RABGAP1L: variants seen among roughly 807,000 people sequenced by gnomAD.
The protein encoded by RABGAP1L is RAB GTPase activating protein 1 like.
RABGAP1L carries 63 observed loss-of-function variants against 137.7 expected under a neutral mutation model. The observed-to-expected ratio is 0.46, with a 90% CI of 0.37 to 0.56. The LOEUF is 0.56. Among genes scored for constraint, RABGAP1L ranks in the 20% least tolerant of loss-of-function variants. The pLI is 0.00. For missense variants in RABGAP1L, 1,095 were observed against 1,244.0 expected, an observed-to-expected ratio of 0.88 and a Z score of 1.80; for synonymous variants, 431 against 433.7, an observed-to-expected ratio of 0.99 and a Z score of 0.08.
chr1:174,268,703 C>T (rs947819710), intron 7 of RABGAP1L, among the ~76,000 whole-genome samples: 1 of 151,940 alleles, frequency 6.6e-6, no homozygotes, highest in African/African-American at 2.4e-5. Flanking sequence ...CTCACTTTTT[C>T]CTGCAGTTAA....
intron 13 of RABGAP1L, among the ~76,000 whole-genome samples, chr1:174,626,036 A>C (rs1270898051): frequency 6.6e-6 from 1 of 152,220 alleles, no homozygotes; most frequent in Non-Finnish European, 1.5e-5. Flanking sequence ...AACAGCATGG[A>C]TTTCAGCTAT....
intron 13 of RABGAP1L, among the ~76,000 whole-genome samples, chr1:174,406,270 A>G (rs1649262866): frequency 6.6e-6 from 1 of 152,166 alleles, no homozygotes; most frequent in African/African-American, 2.4e-5. Context: ...TAAAATTTAA[A>G]ATATACTCTA....
chr1:174,213,294 G>A (rs1307594095), intron 1 of RABGAP1L, among the ~76,000 whole-genome samples: 3 of 152,064 alleles, frequency 2.0e-5, no homozygotes, highest in Non-Finnish European at 4.4e-5. Context: ...GCACGGTGGT[G>A]CATGCCTGTA....
At chr1:174,260,448 A>G (rs1320632707) in intron 7 of RABGAP1L, among the ~76,000 whole-genome samples, 1 of 152,220 alleles carries the variant, frequency 6.6e-6, no homozygotes, top group Non-Finnish European at 1.5e-5. Flanking sequence ...GCCAATTTGT[A>G]GAAGAGAAAG....
chr1:174,867,502 C>G (rs771996328), intron 19 of RABGAP1L, among the ~76,000 whole-genome samples: 3 of 152,146 alleles, frequency 2.0e-5, no homozygotes, highest in Non-Finnish European at 4.4e-5. Context: ...TTCAGGATTT[C>G]TAAATGGGCT....
intron 1 of RABGAP1L, among the ~76,000 whole-genome samples, chr1:174,214,806 C>T (rs931036812): frequency 2.0e-5 from 3 of 152,114 alleles, no homozygotes; most frequent in African/African-American, 4.8e-5. Context: ...TGAAACTGGA[C>T]CCCTGTATCT....
intron 13 of RABGAP1L, among the ~76,000 whole-genome samples, chr1:174,602,266 G>C (rs1273299524): frequency 1.3e-5 from 2 of 152,200 alleles, no homozygotes; most frequent in Non-Finnish European, 2.9e-5. Context: ...TGCTGAGAAG[G>C]CCTCAGAATC....
rs1662952649 is a variant in RABGAP1L, at chr1:174,517,253, T to A, written c.1711-120122T>A. 3.3e-5 allele frequency among the ~76,000 whole-genome samples: 5 copies of A among 152,340 alleles called. No individual in the cohort carries two copies. The South Asian group carries it at 1.0e-3, about 32-fold the overall frequency. On this transcript the variant is annotated intron_variant, in intron 13 of 25. Transcript: ENST00000681986. The stretch of plus-strand genomic sequence containing the variant: ...ATTACATTGATGAGTTATACATTCA[T>A]GGGAAGTATTTATTTCATATGTTTT...
chr1:174,952,508 C>G (rs1379962804), intron 19 of RABGAP1L, among the ~76,000 whole-genome samples: 1 of 151,412 alleles, frequency 6.6e-6, no homozygotes, highest in African/African-American at 2.4e-5. Flanking sequence ...AAGACCCTGT[C>G]TCTTAAAAAA....
chr1:174,978,911 A>C (rs1670865070), intron 23 of RABGAP1L, 21 bp downstream of exon 23: 2 of 1,486,270 alleles, frequency 1.3e-6, no homozygotes, highest in Non-Finnish European at 1.8e-6. Flanking sequence ...TCTGTGGCAC[A>C]TAGAGCTAGT....
intron 13 of RABGAP1L, among the ~76,000 whole-genome samples, chr1:174,403,953 T>G (rs1435986120): frequency 1.3e-5 from 2 of 152,168 alleles, no homozygotes; most frequent in African/African-American, 4.8e-5. Flanking sequence ...TCCTAAATAC[T>G]GTGTTATATA....
intron 18 of RABGAP1L, among the ~76,000 whole-genome samples, chr1:174,771,546 A>G (rs1686113292): frequency 6.6e-6 from 1 of 152,210 alleles, no homozygotes; most frequent in Admixed American, 6.5e-5. Context: ...ATACTTCAAG[A>G]TGAATACCAC....
chr1:174,453,942 A>T (rs951362207), intron 13 of RABGAP1L, among the ~76,000 whole-genome samples: 3 of 152,124 alleles, frequency 2.0e-5, no homozygotes, highest in African/African-American at 7.2e-5. Flanking sequence ...AATTTCTTTT[A>T]TAATCAGAAA....
At chr1:174,702,524 G>A (rs564628430) in intron 17 of RABGAP1L, among the ~76,000 whole-genome samples, 21 of 152,098 alleles carry the variant, frequency 1.4e-4, no homozygotes, top group Non-Finnish European at 2.6e-4. Context: ...GCCTATATCT[G>A]TATAATAATG....
intron 9 of RABGAP1L, among the ~76,000 whole-genome samples, chr1:174,276,219 A>G (rs1255229075): frequency 6.6e-6 from 1 of 152,156 alleles, no homozygotes; most frequent in Admixed American, 6.6e-5. Flanking sequence ...AGCTCACTGT[A>G]ACCTCAAACT....
chr1:174,371,022 G>T lies in RABGAP1L; in HGVS notation c.1509G>T (p.Lys503Asn). The change falls in exon 12 of 26, where the codon AAG (lysine) becomes AAT (asparagine). Residue 503 changes from lysine to asparagine, a missense_variant. Physicochemically the swap from Lys to Asn is moderately conservative, Grantham distance 94. Around this residue, in one of 4 missense-constraint regions of RABGAP1L, gnomAD observed 315 missense variants for 324.8 expected, o/e 0.97. Coordinates refer to ENST00000681986, the MANE Select transcript of RABGAP1L (RefSeq NM_001366446.1). ...CAAGTGGAACAGGTGATGTGTCTAA[G>T]GATTGTCCTGAGAAGATCCTGTATT... Reference protein sequence around the residue: ...ELSSGTGDVSKDCPEKILYSW... With the variant: ...ELSSGTGDVSNDCPEKILYSW... 1.3e-6 allele frequency: 2 copies of T among 1,509,302 alleles called. No individual in the cohort carries two copies. Among genetic ancestry groups the T allele is most frequent in the Non-Finnish European group, 9.0e-7 (1 of 1,112,034 alleles). 93.5% of individuals were successfully genotyped at this position (1,509,302 alleles called of 1,614,324 possible).
intron 5 of RABGAP1L, among the ~76,000 whole-genome samples, chr1:174,242,662 CTG>C (rs1029443902): frequency 2.0e-5 from 3 of 152,178 alleles, no homozygotes; most frequent in African/African-American, 7.2e-5. Flanking sequence ...TTACACTAAA[CTG>C]AACATGCACA....
chr1:174,952,140 G>C (rs1239665928), intron 19 of RABGAP1L, among the ~76,000 whole-genome samples: 2 of 151,892 alleles, frequency 1.3e-5, no homozygotes, highest in African/African-American at 2.4e-5. Flanking sequence ...GTGTTGAAAA[G>C]CACTCCTAAA....
At chr1:174,792,087 G>T (rs1412723817) in intron 18 of RABGAP1L, among the ~76,000 whole-genome samples, 1 of 152,152 alleles carries the variant, frequency 6.6e-6, no homozygotes, top group Non-Finnish European at 1.5e-5. Flanking sequence ...GTTCCCTGCC[G>T]TGCATCTGTG....
Sources: allele counts gnomAD v4.1 joint callset (sites outside exome capture counted in the v4.1 genomes callset), GRCh38; gene constraint gnomAD v4.1.1; regional missense constraint gnomAD v4.1.1; transcripts MANE v1.5; gene names NCBI Gene and HGNC (gene_info 2026-07-23, HGNC 2026-07-21).